The following ITPRID2 variants were observed in gnomAD, a reference collection of about 807,000 sequenced individuals.
ITPRID2 encodes ITPR interacting domain containing 2.
A neutral mutation model predicts 124.3 loss-of-function variants in ITPRID2; 60 were observed. The ratio of observed to expected loss-of-function variants is 0.48; its 90% CI spans 0.39 to 0.60. The LOEUF (loss-of-function observed/expected upper bound fraction) is 0.60. Ranked by LOEUF, ITPRID2 falls within the 20% of genes least tolerant of loss-of-function variation. ITPRID2 has a pLI of 0.00. For synonymous variants in ITPRID2, 521 were observed against 542.9 expected (o/e 0.96, Z 0.56); for missense variants, 1,553 against 1,512.2 (o/e 1.03, Z -0.45).
At chr2:181,923,861 G>T (rs1388677639) in intron 16 of ITPRID2, among the ~76,000 whole-genome samples, 1 of 152,068 alleles carries the variant, frequency 6.6e-6, no homozygotes, top group South Asian at 2.1e-4. Flanking sequence ...TAAGAATAAA[G>T]TGTTCATTTC....
At chr2:181,927,176 T>G (rs1323952393) in intron 16 of ITPRID2, among the ~76,000 whole-genome samples, 2 of 152,204 alleles carry the variant, frequency 1.3e-5, no homozygotes, top group Non-Finnish European at 2.9e-5. Flanking sequence ...TTGGAAAGAT[T>G]ATAGTTAAGA....
In ITPRID2 at chr2:181,900,764, G is replaced by A. The variant is rs760424706; in HGVS notation, c.572G>A (p.Arg191His). 45 of 1,613,046 alleles carry A rather than the reference G, an allele frequency of 2.8e-5. No homozygotes were observed. Among genetic ancestry groups the A allele is most frequent in the Non-Finnish European group, 3.4e-5 (40 of 1,179,548 alleles). The change falls in exon 7 of 18, where the codon CGT (arginine) becomes CAT (histidine). Residue 191 changes from arginine (R) to histidine (H), a missense_variant. Arg to His is a conservative substitution (Grantham distance 29). Transcript: ENST00000431877. Reference sequence around the variant, plus strand: ...ATTCTTTATAATCTTGGATTTGGACGTGATGAACCAGATATTGCTTCTAAA... The same window carrying A: ...ATTCTTTATAATCTTGGATTTGGACATGATGAACCAGATATTGCTTCTAAA... ...EEILYNLGFGRDEPDIASKIP... is the reference protein window; with the variant it reads ...EEILYNLGFGHDEPDIASKIP...
intron 16 of ITPRID2, among the ~76,000 whole-genome samples, chr2:181,923,413 C>A (rs1694627556): frequency 1.3e-5 from 2 of 152,158 alleles, no homozygotes; most frequent in African/African-American, 4.8e-5. Context: ...AATTTATTTT[C>A]ATGATATGAC....
chr2:181,924,642 C>T (rs77270380), intron 16 of ITPRID2, among the ~76,000 whole-genome samples: 1 of 152,096 alleles, frequency 6.6e-6, no homozygotes, highest in Non-Finnish European at 1.5e-5. Context: ...ATCTGTCAGG[C>T]CTTTGTTTCT....
chr2:181,924,987 C>G (rs1694741200), intron 16 of ITPRID2, among the ~76,000 whole-genome samples: 1 of 152,090 alleles, frequency 6.6e-6, no homozygotes, highest in Non-Finnish European at 1.5e-5. Context: ...AATACATGCC[C>G]ACAGAAGCCA....
intron 8 of ITPRID2, among the ~76,000 whole-genome samples, chr2:181,904,499 A>AGAAG (rs1692942980): frequency 6.6e-6 from 1 of 151,710 alleles, no homozygotes; most frequent in Non-Finnish European, 1.5e-5. Flanking sequence ...CAATGGATAA[A>AGAAG]GGAAATAATG....
Position 181,899,112 on chromosome 2 carries a change from G to C in ITPRID2, c.503G>C (p.Ser168Thr). 6.3e-7 allele frequency: 1 copy of C among 1,589,430 alleles called. No individual in the cohort carries two copies. The highest frequency in any genetic ancestry group is 8.6e-7 in the Non-Finnish European group (1 of 1,168,456). The change falls in exon 6 of 18, where the codon AGT (serine) becomes ACT (threonine). Residue 168 changes from serine to threonine, a missense_variant and splice_region_variant. By Grantham distance (58) the Ser-to-Thr change is moderately conservative. Transcript: ENST00000431877. ...GGGAAAAGTAGTGGGACAGTTTCAA[G>C]GTAACTTATTCTGAAATTGTGTTGG... ...GSGKSSGTVS[S>T]VSELLELYEE...
At chr2:181,914,881 A>T (rs1437453237) in intron 10 of ITPRID2, among the ~76,000 whole-genome samples, 3 of 152,094 alleles carry the variant, frequency 2.0e-5, no homozygotes, top group African/African-American at 7.2e-5. Flanking sequence ...TGATGGGGAG[A>T]GATACAAGGA....
intron 8 of ITPRID2, among the ~76,000 whole-genome samples, chr2:181,904,942 T>C (rs1404601848): frequency 6.6e-6 from 1 of 152,184 alleles, no homozygotes; most frequent in Non-Finnish European, 1.5e-5. Context: ...AGTGTCTGTT[T>C]CTTATGTTAG....
At position 181,916,072 on chromosome 2, in the gene ITPRID2, A is replaced by C. The variant is rs752096312; in HGVS notation, c.2432A>C (p.Glu811Ala). 21 of 1,614,090 alleles carry C rather than the reference A, an allele frequency of 1.3e-5. No individual in the cohort carries two copies. The highest frequency in any genetic ancestry group is 4.5e-5 in the East Asian group (2 of 44,900). ...FISPSSVKKE[E>A]APQSEAPRVE... The stretch of plus-strand genomic sequence containing the variant: ...TCTCCATCATCTGTGAAGAAAGAAG[A>C]AGCCCCCCAGAGTGAGGCGCCGCGG... The change falls in exon 11 of 18, where the codon GAA becomes GCA. Residue 811 changes from glutamate (E) to alanine (A), a missense_variant. Coordinates refer to ENST00000431877, the MANE Select transcript of ITPRID2 (RefSeq NM_001130445.3).
chr2:181,898,887 C>G lies in ITPRID2; in HGVS notation c.372C>G (p.His124Gln). 1 of 1,611,244 alleles carries G rather than the reference C, an allele frequency of 6.2e-7. No homozygotes were observed. Among genetic ancestry groups the G allele is most frequent in the South Asian group, 1.1e-5 (1 of 90,988 alleles). The change falls in exon 5 of 18, where the codon CAC becomes CAG. Residue 124 changes from histidine to glutamine, a missense_variant. Physicochemically the swap from His to Gln is conservative, Grantham distance 24 (BLOSUM62 0). Coordinates refer to ENST00000431877, the MANE Select transcript of ITPRID2 (RefSeq NM_001130445.3). The stretch of plus-strand genomic sequence containing the variant: ...TATTGTTTTTACCTGTAGCCAACCA[C>G]CTCCATGAAAGTGATGCTCAAATTG... Reference protein sequence around the residue: ...DDLSLGAEANHLHESDAQIEN... With the variant: ...DDLSLGAEANQLHESDAQIEN...
Position 181,900,904 on chromosome 2 carries a change from A to T in ITPRID2, c.712A>T (p.Ser238Cys), listed in dbSNP as rs1302447531. 1 of 1,603,966 alleles carries T rather than the reference A, an allele frequency of 6.2e-7. No individual in the cohort carries two copies. Among genetic ancestry groups the T allele is most frequent in the African/African-American group, 1.3e-5 (1 of 74,442 alleles). The change falls in exon 7 of 18, where the codon AGC becomes TGC. Residue 238 changes from serine to cysteine, a missense_variant and splice_region_variant. Coordinates refer to ENST00000431877, the MANE Select transcript of ITPRID2 (RefSeq NM_001130445.3). ...EVENPNYALT[S>C]RFRQIEVLTT... ...AGAAAACCCAAATTATGCTTTAACA[A>T]GTAAGATTTTTAAGTGTTAGGCATA...
intron 9 of ITPRID2, among the ~76,000 whole-genome samples, chr2:181,911,914 G>T (rs1693638758): frequency 6.6e-6 from 1 of 152,110 alleles, no homozygotes; most frequent in Non-Finnish European, 1.5e-5. Context: ...CCCCAAACCT[G>T]CTCTGAAGTC....
intron 11 of ITPRID2, chr2:181,918,249 A>T (rs1694225980): frequency 1.0e-6 from 1 of 994,292 alleles, no homozygotes; most frequent in East Asian, 9.1e-5. Context: ...AGCAAAGTTA[A>T]TAATCACTAT....
chr2:181,909,139 G>C (rs1374513460), intron 8 of ITPRID2, among the ~76,000 whole-genome samples: 1 of 152,130 alleles, frequency 6.6e-6, no homozygotes, highest in Non-Finnish European at 1.5e-5. Context: ...AGTTTGATAT[G>C]TTCTTTGAAC....
Position 181,900,786 on chromosome 2 carries a change from T to C in ITPRID2, c.594T>C (p.Ser198=). ...GFGRDEPDIA[S]KIPSRFFNSS... Reference sequence around the variant, plus strand: ...GACGTGATGAACCAGATATTGCTTCTAAAATTCCTTCCAGATTTTTTAATT... The same window carrying C: ...GACGTGATGAACCAGATATTGCTTCCAAAATTCCTTCCAGATTTTTTAATT... Residue 198 remains serine, a synonymous_variant, in exon 7 of 18, where the codon TCT becomes TCC. Transcript: ENST00000431877. The C allele has an allele frequency of 6.2e-7, 1 of 1,613,356 alleles. No homozygotes were observed. The highest frequency in any genetic ancestry group is 8.5e-7 in the Non-Finnish European group (1 of 1,179,610).
chr2:181,893,773 A>C (rs1234208203), intron 2 of ITPRID2: 1 of 152,228 alleles, frequency 6.6e-6, no homozygotes, highest in Non-Finnish European at 1.5e-5. Flanking sequence ...TTTTCAGATA[A>C]GCCTTAGATA....
intron 16 of ITPRID2, among the ~76,000 whole-genome samples, chr2:181,927,264 T>C (rs1419213760): frequency 2.0e-5 from 3 of 152,240 alleles, no homozygotes; most frequent in Admixed American, 2.0e-4. Flanking sequence ...GTAGAATTTT[T>C]AAAAGCTTGT....
chr2:181,908,512 G>A (rs1218284787), intron 8 of ITPRID2, among the ~76,000 whole-genome samples: 1 of 152,138 alleles, frequency 6.6e-6, no homozygotes, highest in Non-Finnish European at 1.5e-5. Flanking sequence ...TTTTCCTGTT[G>A]AACATGTATC....
Sources: gnomAD v4.1 joint callset for allele counts (sites outside exome capture counted in the v4.1 genomes callset) on GRCh38, gnomAD v4.1.1 for gene constraint, MANE v1.5 for transcripts, NCBI Gene and HGNC (gene_info 2026-07-23, HGNC 2026-07-21) for gene names.